Variants in EPHA6 observed in about 807,000 individuals in gnomAD.
The protein encoded by EPHA6 is EPH receptor A6.
EPHA6 carries 50 observed loss-of-function variants against 112.0 expected under a neutral mutation model. The observed-to-expected ratio is 0.45, with a 90% CI of 0.36 to 0.56. The LOEUF is 0.56. Among genes scored for constraint, EPHA6 ranks in the 20% least tolerant of loss-of-function variants. The probability of loss-of-function intolerance (pLI) is 0.00; values close to 1 mark genes in which losing one functional copy is unlikely to be tolerated. For missense variants in EPHA6, 1,280 were observed against 1,417.4 expected, an observed-to-expected ratio of 0.90 and a Z score of 1.56; for synonymous variants, 529 against 490.7, an observed-to-expected ratio of 1.08 and a Z score of -1.03.
intron 6 of EPHA6, among the ~76,000 whole-genome samples, chr3:97,429,506 T>G (rs151273569): frequency 3.9e-5 from 6 of 152,214 alleles, no homozygotes; most frequent in African/African-American, 7.2e-5. Context: ...TGTTCTTTTT[T>G]AAATATCACA....
intron 16 of EPHA6, 36 bp from the exon 17 acceptor site, chr3:97,747,387 G>T (rs534827529): frequency 9.5e-5 from 138 of 1,450,418 alleles, no homozygotes; most frequent in Non-Finnish European, 1.2e-4. Context: ...GCTTTTAAAT[G>T]CTCTCCATGT....
chr3:97,688,346 A>G (rs1328165402), intron 14 of EPHA6, among the ~76,000 whole-genome samples: 2 of 152,156 alleles, frequency 1.3e-5, no homozygotes, highest in African/African-American at 2.4e-5. Context: ...TAGAATTGAT[A>G]TAAAACTACC....
At chr3:97,270,597 G>T (rs1485585310) in intron 5 of EPHA6, among the ~76,000 whole-genome samples, 1 of 152,210 alleles carries the variant, frequency 6.6e-6, no homozygotes, top group Non-Finnish European at 1.5e-5. Flanking sequence ...CTTTTTGACA[G>T]ATAAGGTTTC....
rs944161723 is a variant in EPHA6, at chr3:97,714,156, T to A, written c.2785-6105T>A. On this transcript the variant is annotated intron_variant, in intron 14 of 17. Transcript: ENST00000389672. ...GTGATTCCACATGAAGGAATTGAGA[T>A]GCTGATCTGGGCTGGAAGCCAAATG... is the stretch of plus-strand genomic sequence containing the variant. 9.9e-5 allele frequency among the ~76,000 whole-genome samples: 15 copies of A among 152,176 alleles called. 1 individual carries two copies. Among genetic ancestry groups the A allele is most frequent in the African/African-American group, 3.4e-4 (14 of 41,446 alleles).
chr3:97,222,290 T>C (rs909790075), intron 3 of EPHA6, among the ~76,000 whole-genome samples: 1 of 152,138 alleles, frequency 6.6e-6, no homozygotes, highest in African/African-American at 2.4e-5. Context: ...AACAGAATTC[T>C]TTATTTTTAA....
chr3:97,316,551 C>A (rs987415718), intron 5 of EPHA6, among the ~76,000 whole-genome samples: 1 of 151,690 alleles, frequency 6.6e-6, no homozygotes, highest in African/African-American at 2.4e-5. Flanking sequence ...TAATCCATAC[C>A]CTGATGCTAT....
At chr3:97,405,375 T>C in intron 6 of EPHA6, 101 bp downstream of exon 6, 6 of 1,093,152 alleles carry the variant, frequency 5.5e-6, no homozygotes, top group Non-Finnish European at 7.7e-6. Flanking sequence ...TTAAACCCTG[T>C]TCTTCTTTGG....
chr3:97,067,866 G>C (rs897110789), intron 3 of EPHA6, among the ~76,000 whole-genome samples: 1 of 152,062 alleles, frequency 6.6e-6, no homozygotes, highest in Non-Finnish European at 1.5e-5. Flanking sequence ...GGATAGGCCA[G>C]GCATGGTGGC....
At chr3:97,473,331 T>C (rs1186216718) in intron 7 of EPHA6, among the ~76,000 whole-genome samples, 1 of 149,748 alleles carries the variant, frequency 6.7e-6, no homozygotes, top group Non-Finnish European at 1.5e-5. Flanking sequence ...GTTATCCAAT[T>C]AAAATTTTAA....
intron 5 of EPHA6, among the ~76,000 whole-genome samples, chr3:97,365,653 G>A (rs1021119562): frequency 6.6e-6 from 1 of 152,156 alleles, no homozygotes; most frequent in African/African-American, 2.4e-5. Flanking sequence ...CTCCTAAAGT[G>A]CTGGGATTAC....
At position 97,610,781 on chromosome 3, in the gene EPHA6, G is replaced by C. The variant is rs2093712948; in HGVS notation, c.2513-12G>C. The C allele has an allele frequency of 6.2e-7, 1 of 1,608,926 alleles. No homozygotes were observed. Among genetic ancestry groups the C allele is most frequent in the African/African-American group, 1.3e-5 (1 of 74,786 alleles). On this transcript the variant is annotated splice_polypyrimidine_tract_variant and intron_variant, in intron 12 of 17. Transcript: ENST00000389672. ...TGCTCTAATCCATGTGTATTCTCTT[G>C]CTCTTTTGCAGGCAGACCAGTAATG...
intron 1 of EPHA6, among the ~76,000 whole-genome samples, chr3:96,815,467 G>A (rs1226345971): frequency 7.6e-6 from 1 of 131,730 alleles, no homozygotes; most frequent in Non-Finnish European, 1.5e-5. Context: ...CCACCCCTCC[G>A]GTGACTGCCG....
chr3:97,325,409 G>A (rs549836495), intron 5 of EPHA6, among the ~76,000 whole-genome samples: 1 of 152,154 alleles, frequency 6.6e-6, no homozygotes, highest in South Asian at 2.1e-4. Context: ...CACTCTGTAT[G>A]TAGAAATGTC....
At chr3:97,084,711 G>A (rs1219680817) in intron 3 of EPHA6, among the ~76,000 whole-genome samples, 1 of 151,926 alleles carries the variant, frequency 6.6e-6, no homozygotes, top group African/African-American at 2.4e-5. Context: ...AAGGATTTCT[G>A]CAAGGATAGT....
At chr3:96,822,190 T>G (rs1043096808) in intron 1 of EPHA6, among the ~76,000 whole-genome samples, 1 of 151,964 alleles carries the variant, frequency 6.6e-6, no homozygotes, top group African/African-American at 2.4e-5. Flanking sequence ...TTTCACACAT[T>G]TAATGACATC....
At chr3:97,621,957 G>A (rs2093817331) in intron 13 of EPHA6, among the ~76,000 whole-genome samples, 1 of 151,816 alleles carries the variant, frequency 6.6e-6, no homozygotes, top group African/African-American at 2.4e-5. Flanking sequence ...GGAACAGGTG[G>A]ATGAGATGTC....
intron 5 of EPHA6, among the ~76,000 whole-genome samples, chr3:97,319,394 A>T: frequency 6.6e-6 from 1 of 151,780 alleles, no homozygotes; most frequent in East Asian, 1.9e-4. Flanking sequence ...AATATCTGGC[A>T]CAGTGGCTCA....
chr3:96,983,872 C>A (rs1354315422), intron 2 of EPHA6, among the ~76,000 whole-genome samples: 3 of 152,196 alleles, frequency 2.0e-5, no homozygotes, highest in Non-Finnish European at 2.9e-5. Flanking sequence ...GAATTCATCA[C>A]ATAGTTCTCA....
chr3:96,932,316 C>A (rs1031301108), intron 2 of EPHA6, among the ~76,000 whole-genome samples: 2 of 152,178 alleles, frequency 1.3e-5, no homozygotes, highest in Admixed American at 1.3e-4. Flanking sequence ...CCCCTCCATG[C>A]AATTCATTCA....
Sources: gnomAD v4.1 joint callset for allele counts (sites outside exome capture counted in the v4.1 genomes callset) on GRCh38, gnomAD v4.1.1 for gene constraint, MANE v1.5 for transcripts, NCBI Gene and HGNC (gene_info 2026-07-23, HGNC 2026-07-21) for gene names.